Variants in IL36RN observed in about 807,000 individuals in gnomAD.
IL36RN encodes interleukin-36 receptor antagonist protein.
A neutral mutation model predicts 13.0 loss-of-function variants in IL36RN; 11 were observed. The ratio of observed to expected loss-of-function variants is 0.85; its 90% confidence interval spans 0.53 to 1.40. The LOEUF is 1.40. IL36RN is among the 40% of genes most tolerant of loss of function. The pLI is 0.00. For missense variants in IL36RN, 195 were observed against 195.3 expected, an observed-to-expected ratio of 1.00 and a Z score of 0.01; for synonymous variants, 94 against 84.1, an observed-to-expected ratio of 1.12 and a Z score of -0.64.
chr2:113,060,750 G>C, intron 2 of IL36RN, 102 bp from the exon 3 acceptor site: 1 of 815,542 alleles, frequency 1.2e-6, no homozygotes, highest in Non-Finnish European at 2.1e-6. Context: ...TAGGAAGAAA[G>C]AGAGACAAAA....
chr2:113,058,752 G>T (rs559451841), upstream of IL36RN: 1 of 152,780 alleles, frequency 6.5e-6, no homozygotes, highest in Non-Finnish European at 1.5e-5. Context: ...AGGTAAGGAA[G>T]AAAGGGAATA....
At position 113,062,436 on chromosome 2, in the gene IL36RN, C is replaced by T. The variant is rs1403502153; in HGVS notation, c.244-17C>T. On this transcript the variant is annotated splice_polypyrimidine_tract_variant and intron_variant, in intron 4 of 4. Transcript: ENST00000393200. ...CCTGCTTCTGCCCTCACCTGACCTCCCCTCCTCTGCCGGCAGCCAGTGAAC... is the reference window on the plus strand; with the variant it reads ...CCTGCTTCTGCCCTCACCTGACCTCTCCTCCTCTGCCGGCAGCCAGTGAAC... 2 of 1,613,714 alleles carry T rather than the reference C, an allele frequency of 1.2e-6. No individual in the cohort carries two copies. The highest frequency in any genetic ancestry group is 3.3e-5 in the Admixed American group (2 of 59,996).
intron 4 of IL36RN, 69 bp from the exon 5 acceptor site, chr2:113,062,384 A>T: frequency 6.2e-7 from 1 of 1,605,498 alleles, no homozygotes; most frequent in Non-Finnish European, 8.5e-7. Flanking sequence ...CTCCTCCCTA[A>T]GGATCCTGCC....
intron 3 of IL36RN, among the ~76,000 whole-genome samples, chr2:113,061,146 T>C (rs925109563): frequency 1.2e-4 from 18 of 152,214 alleles, no homozygotes; most frequent in African/African-American, 3.4e-4. Flanking sequence ...CACCTGAAGC[T>C]TCTATGCAGA....
rs765273734 is a variant in IL36RN, at chr2:113,062,689, C to A, written c.*12C>A. On this transcript the variant is annotated 3_prime_UTR_variant, in exon 5 of 5. Transcript: ENST00000393200. ...AGCAGTGTGACTAGGGCAACGTGCC[C>A]CCCAGAACTCCCTGGGCAGAGCCAG... is the stretch of plus-strand genomic sequence containing the variant. The A allele has an allele frequency of 1.7e-5, 27 of 1,605,008 alleles. No homozygotes were observed. Among genetic ancestry groups the A allele is most frequent in the Non-Finnish European group, 2.3e-5 (27 of 1,178,028 alleles).
intron 3 of IL36RN, 102 bp from the exon 4 acceptor site, chr2:113,062,021 TG>T: frequency 6.6e-7 from 1 of 1,507,712 alleles, no homozygotes; most frequent in South Asian, 1.2e-5. Flanking sequence ...CTGCCCAGCC[TG>T]GGGGCAGGCC....
In IL36RN at chr2:113,059,427, G is replaced by T. The variant is rs776353676; in HGVS notation, c.-12G>T. The T allele has an allele frequency of 6.2e-7, 1 of 1,613,952 alleles. No homozygotes were observed. Among genetic ancestry groups the T allele is most frequent in the East Asian group, 2.2e-5 (1 of 44,884 alleles). ...TCCAAAATAGGGGAGTCTACACCCT[G>T]TGGAGCTCAAGATGGTCCTGAGTGG... is the stretch of plus-strand genomic sequence containing the variant. On this transcript the variant is annotated 5_prime_UTR_variant, in exon 2 of 5. Coordinates refer to ENST00000393200, the MANE Select transcript of IL36RN (RefSeq NM_012275.3).
At position 113,061,129 on chromosome 2, in the gene IL36RN, C is replaced by G. The variant is rs535102014; in HGVS notation, c.115+192C>G. Among the ~76,000 whole-genome samples, 21 of 152,322 alleles carry G rather than the reference C, an allele frequency of 1.4e-4. No individual in the cohort carries two copies. The South Asian group carries it at 3.3e-3, about 24-fold the overall frequency. On this transcript the variant is annotated intron_variant, in intron 3 of 4. Coordinates refer to ENST00000393200, the MANE Select transcript of IL36RN (RefSeq NM_012275.3). ...TCTCAGCAAAGTGAAGACACAGGCT[C>G]TGGGGCCACCTGAAGCTTCTATGCA...
intron 2 of IL36RN, among the ~76,000 whole-genome samples, chr2:113,060,522 G>A (rs1471998602): frequency 4.6e-5 from 7 of 152,320 alleles, no homozygotes; most frequent in Non-Finnish European, 8.8e-5. Context: ...TGTCTCCTGC[G>A]ACTCAGCAGC....
Position 113,063,000 on chromosome 2 carries a change from GA to G in IL36RN, c.*324del. On this transcript the variant is annotated 3_prime_UTR_variant, in exon 5 of 5. Transcript: ENST00000393200. The stretch of plus-strand genomic sequence containing the variant: ...GAATCATTCCTGCTTAATGGTAACT[GA>G]CCAGTGTTACCCTGAGCCCCGCAGG... 2.5e-6 allele frequency: 1 copy of G among 393,326 alleles called. No individual in the cohort carries two copies. The highest frequency in any genetic ancestry group is 4.9e-6 in the Non-Finnish European group (1 of 205,670). 24.4% of individuals were successfully genotyped at this position (393,326 alleles called of 1,614,324 possible).
chr2:113,059,510 A>G (rs769606822), intron 2 of IL36RN, 43 bp downstream of exon 2: 2 of 1,611,468 alleles, frequency 1.2e-6, no homozygotes, highest in Non-Finnish European at 1.7e-6. Context: ...CTCCGGAGGA[A>G]GTGAGTTCTG....
At chr2:113,061,475 T>A (rs1685638184) in intron 3 of IL36RN, among the ~76,000 whole-genome samples, 1 of 152,180 alleles carries the variant, frequency 6.6e-6, no homozygotes, top group Admixed American at 6.5e-5. Flanking sequence ...GGGGCACCCT[T>A]GCTGAGCACA....
rs1300922765 is a variant in IL36RN, at chr2:113,062,156, C to T, written c.148C>T (p.Leu50=). 6.2e-7 allele frequency: 1 copy of T among 1,614,052 alleles called. No homozygotes were observed. Among genetic ancestry groups the T allele is most frequent in the Non-Finnish European group, 8.5e-7 (1 of 1,179,952 alleles). Residue 50 remains leucine (L), a synonymous_variant, in exon 4 of 5, where the codon CTG becomes TTG. Transcript: ENST00000393200. ...EEISVVPNRW[L]DASLSPVILG... ...GATCAGCGTGGTCCCCAATCGGTGG[C>T]TGGATGCCAGCCTGTCCCCCGTCAT...
Position 113,063,109 on chromosome 2 carries a change from G to A in IL36RN, c.*432G>A. ...CACTCACCACTATGCAGGAGAGGGA[G>A]GTGGTCATAGAGTCAGGGATCTATG... On this transcript the variant is annotated 3_prime_UTR_variant, in exon 5 of 5. Coordinates refer to ENST00000393200, the MANE Select transcript of IL36RN (RefSeq NM_012275.3). 1 of 300,768 alleles carries A rather than the reference G, an allele frequency of 3.3e-6. No individual in the cohort carries two copies. The highest frequency in any genetic ancestry group is 6.5e-6 in the Non-Finnish European group (1 of 154,584). 18.6% of individuals were successfully genotyped at this position (300,768 alleles called of 1,614,324 possible).
At chr2:113,058,787 G>T, upstream of IL36RN, 1 of 151,964 alleles carries the variant, frequency 6.6e-6, no homozygotes, top group Non-Finnish European at 1.5e-5. Flanking sequence ...GAAATGGGAA[G>T]GGAAAGAAGG....
rs28938773 is a variant in IL36RN, at chr2:113,059,982, C to T, written c.29+515C>T. The stretch of plus-strand genomic sequence containing the variant: ...TCCTTTCTCTCAGTCTAATAAAGCA[C>T]TTCCCATGATGTGTTCTATGGGACT... On this transcript the variant is annotated intron_variant, in intron 2 of 4. Transcript: ENST00000393200. Among the ~76,000 whole-genome samples the T allele has an allele frequency of 4.1e-3, 631 of 152,324 alleles. 3 individuals are homozygous for T. The highest frequency in any genetic ancestry group is 0.014 in the African/African-American group (597 of 41,572).
chr2:113,060,733 G>T, intron 2 of IL36RN, 119 bp from the exon 3 acceptor site: 2 of 754,626 alleles, frequency 2.7e-6, no homozygotes, highest in South Asian at 3.0e-5. Context: ...TGTTACTTCT[G>T]GCACAGTAGG....
chr2:113,059,603 A>G, intron 2 of IL36RN, 136 bp downstream of exon 2: 1 of 1,010,516 alleles, frequency 9.9e-7, no homozygotes. Flanking sequence ...CCAGCACCTC[A>G]CTGCTCTTAG....
chr2:113,063,817 TA>T lies in IL36RN; in HGVS notation c.*1142del, dbSNP rs1311133747. 9.9e-5 allele frequency: 15 copies of T among 152,216 alleles called. No homozygotes were observed. The highest frequency in any genetic ancestry group is 3.6e-4 in the African/African-American group (15 of 41,456). 9.4% of individuals were successfully genotyped at this position (152,216 alleles called of 1,614,324 possible). A position where few individuals can be genotyped will look rare whatever the true frequency, so the allele number is the denominator to read the frequency against. On this transcript the variant is annotated 3_prime_UTR_variant, in exon 5 of 5. Transcript: ENST00000393200. ...AACTTAAAGAACAAAAATCATCTGG[TA>T]ATTCTTTCCTAGAAGGATCACAGCC...
Sources: gnomAD v4.1 joint callset for allele counts (sites outside exome capture counted in the v4.1 genomes callset) on GRCh38, gnomAD v4.1.1 for gene constraint, MANE v1.5 for transcripts, NCBI Gene and HGNC (gene_info 2026-07-23, HGNC 2026-07-21) for gene names.